The following RPS6KC1 variants were observed in gnomAD, a reference collection of about 807,000 sequenced individuals.
RPS6KC1 encodes inactive ribosomal protein S6 kinase delta-1.
In RPS6KC1, 54 loss-of-function variants were observed where a neutral mutation model predicts 103.8. The observed-to-expected ratio is 0.52, with a 90% CI of 0.42 to 0.65. The LOEUF (loss-of-function observed/expected upper bound fraction) is 0.65, where lower values mean the gene tolerates loss of function less well. Ranked by LOEUF, RPS6KC1 falls within the 30% of genes least tolerant of loss-of-function variation. The probability of loss-of-function intolerance (pLI) is 0.00; values close to 1 mark genes in which losing one functional copy is unlikely to be tolerated. For synonymous variants in RPS6KC1, 439 were observed against 438.7 expected, an observed-to-expected ratio of 1.00 and a Z score of -0.01; for missense variants, 1,151 against 1,253.8, an observed-to-expected ratio of 0.92 and a Z score of 1.24.
At chr1:213,497,461 A>G in the RPS6KC1 span, among the ~76,000 whole-genome samples, 1 of 152,140 alleles carries the variant, frequency 6.6e-6, no homozygotes, top group Non-Finnish European at 1.5e-5. Context: ...AAATAACAAC[A>G]CAGTCTCCCT....
chr1:213,547,272 G>A, the RPS6KC1 span, among the ~76,000 whole-genome samples: 1 of 152,130 alleles, frequency 6.6e-6, no homozygotes, highest in African/African-American at 2.4e-5. Flanking sequence ...GTCTGACTTT[G>A]AAGCCTTACA....
intron 6 of RPS6KC1, among the ~76,000 whole-genome samples, chr1:213,150,129 C>G (rs2088485952): frequency 1.3e-5 from 2 of 151,986 alleles, no homozygotes; most frequent in South Asian, 2.1e-4. Flanking sequence ...GTAGTTTAGT[C>G]CATTTGCATT....
At chr1:213,351,079 A>G in the RPS6KC1 span, among the ~76,000 whole-genome samples, 1 of 152,282 alleles carries the variant, frequency 6.6e-6, no homozygotes, top group East Asian at 1.9e-4. Flanking sequence ...AATTAAGTAC[A>G]TGTACATATT....
chr1:213,796,445 G>A, the RPS6KC1 span, among the ~76,000 whole-genome samples: 4 of 152,150 alleles, frequency 2.6e-5, no homozygotes, highest in Non-Finnish European at 5.9e-5. Flanking sequence ...TTTGTTCAGA[G>A]AGGCGTTTTG....
At chr1:213,397,872 C>T in the RPS6KC1 span, among the ~76,000 whole-genome samples, 4 of 152,212 alleles carry the variant, frequency 2.6e-5, no homozygotes, top group African/African-American at 4.8e-5. Flanking sequence ...CAGGCTATTC[C>T]GATCCCAACA....
the RPS6KC1 span, among the ~76,000 whole-genome samples, chr1:213,604,754 C>G: frequency 6.6e-6 from 1 of 152,192 alleles, no homozygotes; most frequent in Non-Finnish European, 1.5e-5. Context: ...TCACCAAATC[C>G]TTAGATCTTG....
chr1:213,336,555 A>G, the RPS6KC1 span, among the ~76,000 whole-genome samples: 1 of 152,224 alleles, frequency 6.6e-6, no homozygotes, highest in African/African-American at 2.4e-5. Context: ...GTATGGGGGA[A>G]ATAACGATAC....
intron 12 of RPS6KC1, among the ~76,000 whole-genome samples, chr1:213,250,592 A>T (rs746123619): frequency 6.6e-6 from 1 of 152,172 alleles, no homozygotes; most frequent in Non-Finnish European, 1.5e-5. Flanking sequence ...GAAATGTGAG[A>T]CTATAGGGAA....
chr1:213,634,289 C>T, the RPS6KC1 span, among the ~76,000 whole-genome samples: 55,656 of 151,998 alleles, frequency 0.37, 11,256 homozygotes, highest in Non-Finnish European at 0.46. Flanking sequence ...CTTCTCAGCA[C>T]CACATTGCAT....
chr1:213,214,546 A>T (rs181609905), intron 8 of RPS6KC1, among the ~76,000 whole-genome samples: 10 of 152,316 alleles, frequency 6.6e-5, no homozygotes. Flanking sequence ...CCCAGCATGG[A>T]CCTTGAGATC....
intron 6 of RPS6KC1, among the ~76,000 whole-genome samples, chr1:213,134,676 A>G (rs1038412867): frequency 3.3e-5 from 5 of 152,250 alleles, no homozygotes; most frequent in South Asian, 4.1e-4. Context: ...TATTCCATGA[A>G]TAAGAGTTAC....
the RPS6KC1 span, among the ~76,000 whole-genome samples, chr1:213,291,594 G>A: frequency 1.3e-5 from 2 of 152,224 alleles, no homozygotes; most frequent in Non-Finnish European, 2.9e-5. Flanking sequence ...TCAGTGAAAT[G>A]GGGAGGAATC....
chr1:213,537,766 C>T, the RPS6KC1 span, among the ~76,000 whole-genome samples: 604 of 152,262 alleles, frequency 4.0e-3, 2 homozygotes, highest in African/African-American at 0.014. Flanking sequence ...TAGATATATA[C>T]CTCTGGGAGC....
intron 6 of RPS6KC1, among the ~76,000 whole-genome samples, chr1:213,151,622 A>G (rs1167441186): frequency 5.4e-5 from 4 of 74,322 alleles, no homozygotes; most frequent in Admixed American, 1.1e-4. Flanking sequence ...CCTCCATCCC[A>G]GACGGGGCGG....
chr1:213,319,220 A>T, the RPS6KC1 span, among the ~76,000 whole-genome samples: 1 of 148,308 alleles, frequency 6.7e-6, no homozygotes, highest in South Asian at 2.1e-4. Context: ...GCACAAGAAT[A>T]GCTTGAAGCT....
chr1:213,812,254 A>G, the RPS6KC1 span, among the ~76,000 whole-genome samples: 2 of 152,080 alleles, frequency 1.3e-5, no homozygotes, highest in Non-Finnish European at 2.9e-5. Context: ...GGAAGGAAGA[A>G]AGACAGGCTT....
the RPS6KC1 span, among the ~76,000 whole-genome samples, chr1:213,490,348 T>C: frequency 6.6e-6 from 1 of 152,184 alleles, no homozygotes; most frequent in African/African-American, 2.4e-5. Flanking sequence ...AAAGCAGAGC[T>C]GAGGTGGGCT....
At chr1:213,253,797 A>T (rs918663291) in intron 12 of RPS6KC1, among the ~76,000 whole-genome samples, 2 of 152,030 alleles carry the variant, frequency 1.3e-5, no homozygotes, top group African/African-American at 2.4e-5. Context: ...TTCCTTTCCC[A>T]TCGCTATATA....
At chr1:213,151,736 C>A (rs1232982615) in intron 6 of RPS6KC1, among the ~76,000 whole-genome samples, 1 of 130,794 alleles carries the variant, frequency 7.6e-6, no homozygotes, top group Non-Finnish European at 1.6e-5. Context: ...GCTGACCCCC[C>A]CACCCATCTC....
Sources: allele counts gnomAD v4.1 joint callset (sites outside exome capture counted in the v4.1 genomes callset), GRCh38; gene constraint gnomAD v4.1.1; transcripts MANE v1.5; gene names NCBI Gene and HGNC (gene_info 2026-07-23, HGNC 2026-07-21).